FGF14: variants seen among roughly 807,000 people sequenced by gnomAD.
The protein encoded by FGF14 is fibroblast growth factor homologous factor 4.
In FGF14, 5 loss-of-function variants were observed where a neutral mutation model predicts 25.5. The observed-to-expected ratio is 0.20, with a 90% CI of 0.10 to 0.41. The LOEUF is 0.41. Among genes scored for constraint, FGF14 ranks in the 10% least tolerant of loss-of-function variants. The pLI, the probability that FGF14 is intolerant of heterozygous loss-of-function variation, is 1.00. For missense variants in FGF14, 222 were observed against 320.1 expected (o/e 0.69, Z 2.34); for synonymous variants, 138 against 118.3 (o/e 1.17, Z -1.08).
chr13:102,319,060 G>A (rs909165222), intron 1 of FGF14, among the ~76,000 whole-genome samples: 2 of 152,170 alleles, frequency 1.3e-5, no homozygotes, highest in Admixed American at 6.5e-5. Context: ...GCTGAAAGAC[G>A]AAGGCACTCC....
At chr13:102,080,432 G>A (rs149462366) in intron 1 of FGF14, among the ~76,000 whole-genome samples, 31 of 152,242 alleles carry the variant, frequency 2.0e-4, no homozygotes, top group Non-Finnish European at 4.0e-4. Flanking sequence ...CCTTTTAGAC[G>A]AGTCTGCTGG....
At chr13:102,343,836 T>C (rs1444894988) in intron 1 of FGF14, among the ~76,000 whole-genome samples, 5 of 152,190 alleles carry the variant, frequency 3.3e-5, no homozygotes, top group Admixed American at 2.0e-4. Flanking sequence ...GACATTAAGA[T>C]ACATTTTTCA....
In FGF14 at chr13:102,046,097, G is replaced by A. The variant is rs549215386; in HGVS notation, c.209-170801C>T. 5.2e-5 allele frequency: 8 copies of A among 154,414 alleles called. No individual in the cohort carries two copies. The South Asian group carries it at 1.6e-3, about 31-fold the overall frequency. The allele number at this position is 154,414 out of a possible 1,614,324, so 9.6% of individuals were successfully genotyped here. A position where few individuals can be genotyped will look rare whatever the true frequency, so the allele number is the denominator to read the frequency against. On this transcript the variant is annotated intron_variant, in intron 1 of 4. Transcript: ENST00000376131. The stretch of plus-strand genomic sequence containing the variant: ...CTCCCACTTCTTGCACAAGAAAAAA[G>A]AGATGCCTTTTGTTCTTGCCTGGGC...
chr13:101,817,654 AAG>A (rs1419354339), intron 3 of FGF14, among the ~76,000 whole-genome samples: 1 of 152,200 alleles, frequency 6.6e-6, no homozygotes. Context: ...TGGAGAAATA[AAG>A]AGGTTACATT....
chr13:102,314,977 TATAA>T (rs1191812249), intron 1 of FGF14, among the ~76,000 whole-genome samples: 2 of 149,218 alleles, frequency 1.3e-5, no homozygotes, highest in African/African-American at 4.9e-5. Context: ...TATACATTAT[TATAA>T]ATAACATATT....
At chr13:102,172,181 T>C (rs1167064219) in intron 1 of FGF14, among the ~76,000 whole-genome samples, 1 of 151,954 alleles carries the variant, frequency 6.6e-6, no homozygotes, top group Non-Finnish European at 1.5e-5. Context: ...TACCATAAAA[T>C]ACTGATATCA....
chr13:102,250,502 A>G (rs1215121329), intron 1 of FGF14, among the ~76,000 whole-genome samples: 1 of 152,208 alleles, frequency 6.6e-6, no homozygotes, highest in Non-Finnish European at 1.5e-5. Context: ...CCAATGTGGA[A>G]AGGAACAGGG....
intron 1 of FGF14, among the ~76,000 whole-genome samples, chr13:102,111,976 A>T (rs994866215): frequency 6.6e-6 from 1 of 152,090 alleles, no homozygotes; most frequent in East Asian, 1.9e-4. Context: ...CTTAATTCTC[A>T]TGTTATCCTC....
chr13:101,744,918 C>A (rs2036790257), intron 3 of FGF14, among the ~76,000 whole-genome samples: 2 of 151,866 alleles, frequency 1.3e-5, no homozygotes, highest in Non-Finnish European at 1.5e-5. Flanking sequence ...CCCTCAAAGA[C>A]CTTATATTTC....
Position 101,865,912 on chromosome 13 carries a change from A to T in FGF14, c.408+2813T>A, listed in dbSNP as rs74984577. 0.012 allele frequency among the ~76,000 whole-genome samples: 1,808 copies of T among 152,160 alleles called. 136 individuals are homozygous for T. The East Asian group carries it at 0.19, about 16-fold the overall frequency. On this transcript the variant is annotated intron_variant, in intron 3 of 4. Transcript: ENST00000376143. ...GGATAAACTTAGAATGGATGACTTC[A>T]TTTGTCTGATTTAAATCTCCATTAA...
chr13:102,087,983 T>C (rs2044003756), intron 1 of FGF14, among the ~76,000 whole-genome samples: 1 of 152,218 alleles, frequency 6.6e-6, no homozygotes, highest in African/African-American at 2.4e-5. Flanking sequence ...TCTATATGTA[T>C]GTAAAAATAA....
intron 1 of FGF14, among the ~76,000 whole-genome samples, chr13:102,393,517 A>G (rs1176020140): frequency 2.0e-5 from 3 of 152,236 alleles, no homozygotes; most frequent in African/African-American, 7.2e-5. Context: ...AAAAAGATTT[A>G]AGAAAGATTT....
chr13:102,273,069 C>T (rs1425728951), intron 1 of FGF14, among the ~76,000 whole-genome samples: 1 of 152,132 alleles, frequency 6.6e-6, no homozygotes, highest in Non-Finnish European at 1.5e-5. Flanking sequence ...GAGCTAATTC[C>T]AATGTCTGTC....
intron 1 of FGF14, among the ~76,000 whole-genome samples, chr13:102,275,234 TTCTCTCTC>T: frequency 1.5e-5 from 1 of 67,488 alleles, no homozygotes; most frequent in South Asian, 4.3e-4. Context: ...TTAGGCAGAT[TTCTCTCTC>T]TCTCTCTCTC....
intron 2 of FGF14, among the ~76,000 whole-genome samples, chr13:101,874,289 G>A (rs1043486581): frequency 3.3e-5 from 5 of 151,954 alleles, no homozygotes; most frequent in Non-Finnish European, 7.4e-5. Context: ...TTCTTTTCAT[G>A]GAATGATGTT....
intron 1 of FGF14, among the ~76,000 whole-genome samples, chr13:102,058,757 CTAA>C (rs1007114406): frequency 6.6e-5 from 10 of 152,050 alleles, no homozygotes; most frequent in African/African-American, 2.2e-4. Flanking sequence ...TTAATGTAAT[CTAA>C]TAACCAGTCT....
chr13:102,153,538 G>A (rs909545776), intron 1 of FGF14, among the ~76,000 whole-genome samples: 1 of 152,120 alleles, frequency 6.6e-6, no homozygotes, highest in African/African-American at 2.4e-5. Flanking sequence ...GATCAAATGA[G>A]ATACAGTACA....
chr13:102,184,017 C>T (rs970508846), intron 1 of FGF14, among the ~76,000 whole-genome samples: 3 of 152,116 alleles, frequency 2.0e-5, no homozygotes, highest in African/African-American at 4.8e-5. Context: ...TCAAGAAATA[C>T]AACAAATAGA....
intron 1 of FGF14, among the ~76,000 whole-genome samples, chr13:102,322,952 T>A (rs186799672): frequency 6.6e-6 from 1 of 152,170 alleles, no homozygotes; most frequent in African/African-American, 2.4e-5. Flanking sequence ...TATCCTACTT[T>A]AACCTCTTTG....
Sources: gnomAD v4.1 joint callset for allele counts (sites outside exome capture counted in the v4.1 genomes callset) on GRCh38, gnomAD v4.1.1 for gene constraint, MANE v1.5 for transcripts, NCBI Gene and HGNC (gene_info 2026-07-23, HGNC 2026-07-21) for gene names.